The following FRMD1 variants were observed in gnomAD, a reference collection of about 807,000 sequenced individuals.
FRMD1 encodes the protein FERM domain containing 1.
In FRMD1, 51 loss-of-function variants were observed where a neutral mutation model predicts 54.9. That is an observed-to-expected ratio of 0.93 (90% CI 0.74 to 1.17). The LOEUF is 1.17. Among genes scored for constraint, FRMD1 ranks in the 50% most tolerant of loss-of-function variants. FRMD1 has a pLI of 0.00. For missense variants in FRMD1, 729 were observed against 743.0 expected, an observed-to-expected ratio of 0.98 and a Z score of 0.22; for synonymous variants, 324 against 306.4, an observed-to-expected ratio of 1.06 and a Z score of -0.60.
rs774493704 is a variant in FRMD1 at position 168,079,116 on chromosome 6, C to T, written c.-22G>A. 2 of 1,574,090 alleles carry T rather than the reference C, an allele frequency of 1.3e-6. No individual in the cohort carries two copies. The highest frequency in any genetic ancestry group is 1.7e-6 in the Non-Finnish European group (2 of 1,163,900). On this transcript the variant is annotated 5_prime_UTR_variant, in exon 1 of 11. Transcript: ENST00000283309. Reference sequence around the variant, plus strand: ...CCATGCTGTCGTTACTCGGCCCTCCCCCGCCATGGGTCGCAGGTGGGTGCT... The same window carrying T: ...CCATGCTGTCGTTACTCGGCCCTCCTCCGCCATGGGTCGCAGGTGGGTGCT...
upstream of FRMD1, among the ~76,000 whole-genome samples, chr6:168,085,776 G>T (rs934524559): frequency 4.7e-5 from 7 of 149,214 alleles, no homozygotes; most frequent in African/African-American, 1.8e-4. Flanking sequence ...GCTCCCTATC[G>T]CCCAGCCACA....
chr6:168,064,339 G>A (rs1799914830), intron 5 of FRMD1, among the ~76,000 whole-genome samples: 1 of 152,214 alleles, frequency 6.6e-6, no homozygotes, highest in Non-Finnish European at 1.5e-5. Flanking sequence ...TCCCCGGGGT[G>A]ACAGCCATCA....
chr6:168,079,996 C>T (rs545920333), upstream of FRMD1, among the ~76,000 whole-genome samples: 132 of 152,214 alleles, frequency 8.7e-4, no homozygotes, highest in African/African-American at 3.0e-3. Context: ...GCAGTTCCCA[C>T]GGGCCTGGGC....
rs540971151 is a variant in FRMD1, at chr6:168,057,500, C to T, written c.1408-161G>A. 1.9e-5 allele frequency: 19 copies of T among 976,950 alleles called. No individual in the cohort carries two copies. In the South Asian group the frequency reaches 2.7e-4, roughly 14 times the overall value. The allele number at this position is 976,950 out of a possible 1,614,324, so 60.5% of individuals were successfully genotyped here. The stretch of plus-strand genomic sequence containing the variant: ...CTGCCCCTGGACGGGTCCCCCAGCA[C>T]ACACCTCTGCGAGAGAGGCTTGGCA... On this transcript the variant is annotated intron_variant, in intron 10 of 10. Coordinates refer to ENST00000283309, the MANE Select transcript of FRMD1 (RefSeq NM_024919.6).
intron 1 of FRMD1, among the ~76,000 whole-genome samples, chr6:168,088,487 G>T (rs1800960048): frequency 6.6e-6 from 1 of 152,206 alleles, no homozygotes; most frequent in African/African-American, 2.4e-5. Context: ...GCCTCCCCCG[G>T]CATCTGATCT....
chr6:168,076,182 C>T (rs1258944763), intron 1 of FRMD1, among the ~76,000 whole-genome samples: 2 of 152,206 alleles, frequency 1.3e-5, no homozygotes, highest in African/African-American at 4.8e-5. Context: ...TTGCCGTGCG[C>T]TCTGCTCTCA....
upstream of FRMD1, among the ~76,000 whole-genome samples, chr6:168,079,777 AG>A (rs1263310483): frequency 2.0e-5 from 3 of 152,148 alleles, no homozygotes; most frequent in Admixed American, 6.5e-5. Flanking sequence ...AAGGCCAGGA[AG>A]GGGGTCCTGG....
intron 1 of FRMD1, among the ~76,000 whole-genome samples, chr6:168,090,626 C>T (rs889453111): frequency 3.3e-5 from 5 of 152,226 alleles, no homozygotes; most frequent in Non-Finnish European, 7.3e-5. Context: ...GCCTGTTTGC[C>T]TGTTTGTTGT....
chr6:168,062,751 C>A, intron 7 of FRMD1, 143 bp downstream of exon 7: 1 of 1,574,048 alleles, frequency 6.4e-7, no homozygotes, highest in Non-Finnish European at 8.6e-7. Context: ...TGCGGGACAG[C>A]AGAGGCAGGG....
intron 10 of FRMD1, 187 bp from the exon 11 acceptor site, chr6:168,057,526 T>C (rs1444457273): frequency 2.6e-6 from 2 of 778,106 alleles, no homozygotes; most frequent in East Asian, 5.8e-5. Flanking sequence ...AGGCTTGGCA[T>C]CTTCCTTTGA....
intron 2 of FRMD1, among the ~76,000 whole-genome samples, chr6:168,068,885 C>T (rs938515238): frequency 6.6e-6 from 1 of 152,220 alleles, no homozygotes; most frequent in South Asian, 2.1e-4. Flanking sequence ...ATCACAGGGC[C>T]GGGTGCCTGG....
chr6:168,092,421 G>A (rs1801029883), intron 1 of FRMD1, among the ~76,000 whole-genome samples: 1 of 152,198 alleles, frequency 6.6e-6, no homozygotes, highest in Non-Finnish European at 1.5e-5. Flanking sequence ...TTTGGGAGGT[G>A]ATGTGGTCAT....
chr6:168,070,815 G>A (rs945243187), intron 2 of FRMD1, among the ~76,000 whole-genome samples: 2 of 152,220 alleles, frequency 1.3e-5, no homozygotes, highest in Admixed American at 1.3e-4. Context: ...AGCCTTGACT[G>A]GCACATGACT....
At chr6:168,063,544 G>A (rs570591885) in intron 6 of FRMD1, 57 bp downstream of exon 6, 71 of 1,521,108 alleles carry the variant, frequency 4.7e-5, no homozygotes, top group South Asian at 1.9e-4. Context: ...TGGGGGCTCC[G>A]TGCATCCCTG....
chr6:168,059,201 G>A lies in FRMD1; in HGVS notation c.1343-13C>T. ...TCCTGACGAGTGGCTGTGGGAGGAG[G>A]CAGCCGTGAGCACAGGTGTCTGGGT... On this transcript the variant is annotated splice_polypyrimidine_tract_variant and intron_variant, in intron 9 of 10. Coordinates refer to ENST00000283309, the MANE Select transcript of FRMD1 (RefSeq NM_024919.6). The surrounding 1 kb of genome is among the most constrained non-coding windows in gnomAD (Gnocchi z 4.4). 1 of 1,572,312 alleles carries A rather than the reference G, an allele frequency of 6.4e-7. No individual in the cohort carries two copies. Among genetic ancestry groups the A allele is most frequent in the Non-Finnish European group, 8.6e-7 (1 of 1,162,180 alleles).
chr6:168,074,159 G>A (rs947169768), intron 2 of FRMD1, among the ~76,000 whole-genome samples: 1 of 152,092 alleles, frequency 6.6e-6, no homozygotes, highest in Non-Finnish European at 1.5e-5. Flanking sequence ...AGCACTTTGG[G>A]TTCTCACGGC....
In FRMD1 at chr6:168,063,694, G is replaced by C; in HGVS notation, c.711C>G (p.Arg237=). The change falls in exon 6 of 11, where the codon CGC becomes CGG. Residue 237 remains arginine, a synonymous_variant. Coordinates refer to ENST00000283309, the MANE Select transcript of FRMD1 (RefSeq NM_024919.6). The part of the protein sequence containing the change: ...LRHMPTLHRE[R]QGLSPKEAML... ...TGGCCTCCTTGGGGCTCAGGCCCTG[G>C]CGCTCACGGTGCAGGGTAGGCATGT... The C allele has an allele frequency of 6.2e-7, 1 of 1,613,922 alleles. No homozygotes were observed.
At chr6:168,091,291 C>T (rs568244910) in intron 1 of FRMD1, among the ~76,000 whole-genome samples, 10 of 152,332 alleles carry the variant, frequency 6.6e-5, no homozygotes, top group African/African-American at 2.4e-4. Context: ...TGGAGATGCC[C>T]CTTCTCTGAA....
upstream of FRMD1, among the ~76,000 whole-genome samples, chr6:168,082,645 C>T (rs1303727080): frequency 2.6e-5 from 4 of 152,170 alleles, no homozygotes; most frequent in Non-Finnish European, 1.5e-5. Context: ...GTTCAGGGCC[C>T]CAGGCTCCAG....
Sources: gnomAD v4.1 joint callset for allele counts (sites outside exome capture counted in the v4.1 genomes callset) on GRCh38, gnomAD v4.1.1 for gene constraint, Gnocchi (gnomAD v3.1) non-coding constraint, MANE v1.5 for transcripts, NCBI Gene and HGNC (gene_info 2026-07-23, HGNC 2026-07-21) for gene names.